LCOR: variants seen among roughly 807,000 people sequenced by gnomAD.
The protein encoded by LCOR is ligand dependent nuclear receptor corepressor.
In LCOR, 14 loss-of-function variants were observed where a neutral mutation model predicts 64.4. The ratio of observed to expected loss-of-function variants is 0.22; its 90% confidence interval spans 0.14 to 0.34. LCOR has a LOEUF of 0.34. LCOR is among the 10% of genes least tolerant of loss of function. LCOR has a pLI of 1.00. For missense variants in LCOR, 1,686 were observed against 1,765.3 expected (o/e 0.96, Z 0.80); for synonymous variants, 643 against 642.5 (o/e 1.00, Z -0.01).
chr10:96,887,240 T>G (rs1023179018), intron 2 of LCOR, among the ~76,000 whole-genome samples: 3 of 152,054 alleles, frequency 2.0e-5, no homozygotes, highest in African/African-American at 7.2e-5. Flanking sequence ...ATGTGCCAGT[T>G]TTACCTAAGA....
At chr10:96,920,333 GC>G (rs1046013095) in intron 4 of LCOR, among the ~76,000 whole-genome samples, 2 of 150,206 alleles carry the variant, frequency 1.3e-5, no homozygotes, top group African/African-American at 4.9e-5. Flanking sequence ...CAAGTTCTTT[GC>G]CCATTTTTGA....
rs1194434504 is a variant in LCOR at position 96,994,568 on chromosome 10, G to T, written c.*9434G>T. On this transcript the variant is annotated 3_prime_UTR_variant, in exon 8 of 8. Transcript: ENST00000421806. Reference sequence around the variant, plus strand: ...TTCACTAGTGTATTTTTAGACTGAAGTGGGTGCATTAGGATAAAACTTTCC... The same window carrying T: ...TTCACTAGTGTATTTTTAGACTGAATTGGGTGCATTAGGATAAAACTTTCC... 1 of 152,188 alleles carries T rather than the reference G, an allele frequency of 6.6e-6. No individual in the cohort carries two copies. Among genetic ancestry groups the T allele is most frequent in the Non-Finnish European group, 1.5e-5 (1 of 68,034 alleles). The allele number at this position is 152,188 out of a possible 1,614,324, so 9.4% of individuals were successfully genotyped here.
intron 4 of LCOR, among the ~76,000 whole-genome samples, chr10:96,930,889 G>C (rs1383390554): frequency 6.6e-6 from 1 of 152,092 alleles, no homozygotes; most frequent in Non-Finnish European, 1.5e-5. Context: ...CATGATTGTG[G>C]AATTCCAGGT....
rs762229881 is a variant in LCOR at position 96,982,293 on chromosome 10, G to A, written c.1833G>A (p.Thr611=). Residue 611 remains threonine, a synonymous_variant, in exon 8 of 8, where the codon ACG becomes ACA. Transcript: ENST00000421806. The stretch of plus-strand genomic sequence containing the variant: ...GCAGCTCCCCTAGGTCAGAGGAAAC[G>A]ACAGCCTCCAGCCTGGTGTGGCCTC... ...NLSSSPRSEE[T]TASSLVWPLP... is the part of the protein sequence containing the mutation. 29 of 1,614,052 alleles carry A rather than the reference G, an allele frequency of 1.8e-5. No individual in the cohort carries two copies. In the South Asian group the frequency reaches 1.9e-4, roughly 10 times the overall value.
chr10:96,930,576 C>T (rs921817123), intron 4 of LCOR, among the ~76,000 whole-genome samples: 6 of 152,110 alleles, frequency 3.9e-5, no homozygotes, highest in Admixed American at 1.3e-4. Flanking sequence ...CCCTTCAACC[C>T]GAATAACTTC....
rs1221073417 is a variant in LCOR, at chr10:96,957,222, G to A, written c.332+5026G>A. The A allele has an allele frequency of 4.1e-6, 4 of 983,708 alleles. No individual in the cohort carries two copies. In the African/African-American group the frequency reaches 5.3e-5, roughly 13 times the overall value. 60.9% of individuals were successfully genotyped at this position (983,708 alleles called of 1,614,324 possible). A position where few individuals can be genotyped will look rare whatever the true frequency, so the allele number is the denominator to read the frequency against. On this transcript the variant is annotated intron_variant, in intron 7 of 7. Transcript: ENST00000421806. ...TGGTTAGAATTTTTTTCTGTTTTTGGCATCCTACATAATACCCCCCTTCTT... is the reference window on the plus strand; with the variant it reads ...TGGTTAGAATTTTTTTCTGTTTTTGACATCCTACATAATACCCCCCTTCTT...
rs750871753 is a variant in LCOR at position 96,982,703 on chromosome 10, A to G, written c.2243A>G (p.Lys748Arg). 1.2e-6 allele frequency: 2 copies of G among 1,614,200 alleles called. No homozygotes were observed. Among genetic ancestry groups the G allele is most frequent in the Non-Finnish European group, 8.5e-7 (1 of 1,180,044 alleles). The change falls in exon 8 of 8, where the codon AAG becomes AGG. Residue 748 changes from lysine to arginine, a missense_variant. Around this residue, in one of 3 missense-constraint regions of LCOR, gnomAD observed 1,293 missense variants for 1,410.4 expected, o/e 0.92. Coordinates refer to ENST00000421806, the MANE Select transcript of LCOR (RefSeq NM_001346516.2). ...GAGCTAAATGTCGACCCACTCTTGA[A>G]GGAAAGCAGCACTTTTACTGATGAA... Reference protein sequence around the residue: ...TQELNVDPLLKESSTFTDENP... With the variant: ...TQELNVDPLLRESSTFTDENP...
chr10:96,866,789 T>C (rs1845981581), intron 2 of LCOR, among the ~76,000 whole-genome samples: 1 of 152,162 alleles, frequency 6.6e-6, no homozygotes, highest in Admixed American at 6.5e-5. Flanking sequence ...TTGGCCAGGC[T>C]GGTCTCGAAC....
chr10:96,982,400 C>T lies in LCOR; in HGVS notation c.1940C>T (p.Pro647Leu), dbSNP rs142473396. ...CCCACAGCAAGTGGGATGTCTTCTCCTGAACACAACCAACCACCAGTTGCA... is the reference window on the plus strand; with the variant it reads ...CCCACAGCAAGTGGGATGTCTTCTCTTGAACACAACCAACCACCAGTTGCA... ...SAPTASGMSSPEHNQPPVALL... is the reference protein window; with the variant it reads ...SAPTASGMSSLEHNQPPVALL... Residue 647 changes from proline (P) to leucine (L), a missense_variant, in exon 8 of 8, where the codon CCT becomes CTT. Pro to Leu is a moderately conservative substitution (Grantham distance 98, BLOSUM62 -3). Transcript: ENST00000421806. 1.2e-6 allele frequency: 2 copies of T among 1,614,114 alleles called. No individual in the cohort carries two copies. Among genetic ancestry groups the T allele is most frequent in the African/African-American group, 1.3e-5 (1 of 74,934 alleles).
At chr10:96,924,277 G>A (rs1007563907) in intron 4 of LCOR, among the ~76,000 whole-genome samples, 13 of 152,130 alleles carry the variant, frequency 8.5e-5, no homozygotes, top group Middle Eastern at 3.4e-3. Flanking sequence ...ATCTCGGCTC[G>A]CTGCAGCTTC....
At chr10:96,882,664 C>T (rs116266792) in intron 2 of LCOR, among the ~76,000 whole-genome samples, 1,695 of 152,224 alleles carry the variant, frequency 0.011, 41 homozygotes, top group African/African-American at 0.038. Context: ...GGTTTTGACA[C>T]GTGTTGACCA....
intron 2 of LCOR, among the ~76,000 whole-genome samples, chr10:96,847,506 G>A (rs981489694): frequency 1.3e-5 from 2 of 152,028 alleles, no homozygotes; most frequent in African/African-American, 4.8e-5. Flanking sequence ...GCAATGGCAC[G>A]ATCTCGGCTC....
chr10:96,974,800 G>A (rs1207663366), intron 7 of LCOR, among the ~76,000 whole-genome samples: 1 of 152,194 alleles, frequency 6.6e-6, no homozygotes, highest in Non-Finnish European at 1.5e-5. Flanking sequence ...TAAAAAAATA[G>A]TAATAGAATT....
intron 7 of LCOR, chr10:96,957,562 AT>A (rs1300946098): frequency 1.0e-6 from 1 of 985,274 alleles, no homozygotes; most frequent in Non-Finnish European, 1.2e-6. Context: ...AAAAACAAAC[AT>A]TATTGGAGTT....
intron 2 of LCOR, among the ~76,000 whole-genome samples, chr10:96,861,292 G>A (rs1845882932): frequency 6.6e-6 from 1 of 152,154 alleles, no homozygotes; most frequent in Admixed American, 6.5e-5. Flanking sequence ...TGAAATAACA[G>A]TAAGTAAAGA....
At chr10:96,967,853 A>T in intron 7 of LCOR, among the ~76,000 whole-genome samples, 1 of 152,276 alleles carries the variant, frequency 6.6e-6, no homozygotes, top group South Asian at 2.1e-4. Context: ...TATTTCTATT[A>T]TGTGCAGGGT....
intron 7 of LCOR, chr10:96,963,981 G>T (rs1339696678): frequency 6.6e-6 from 1 of 152,070 alleles, no homozygotes; most frequent in South Asian, 2.1e-4. Context: ...ACAGTTTGAT[G>T]GAATTGTATA....
At chr10:96,884,619 C>A (rs898822151) in intron 2 of LCOR, among the ~76,000 whole-genome samples, 2 of 152,128 alleles carry the variant, frequency 1.3e-5, no homozygotes, top group African/African-American at 4.8e-5. Flanking sequence ...TCTTGAATAC[C>A]ATTTCCAGAT....
chr10:96,962,055 G>T (rs997642534), intron 7 of LCOR: 5 of 152,042 alleles, frequency 3.3e-5, no homozygotes, highest in African/African-American at 1.2e-4. Context: ...CTTAGGTACT[G>T]TAAGTTTTTG....
Sources: gnomAD v4.1 joint callset for allele counts (sites outside exome capture counted in the v4.1 genomes callset) on GRCh38, gnomAD v4.1.1 for gene constraint, gnomAD v4.1.1 regional missense constraint, MANE v1.5 for transcripts, NCBI Gene and HGNC (gene_info 2026-07-23, HGNC 2026-07-21) for gene names.